The following FHAD1 variants were observed in gnomAD, a reference collection of about 807,000 sequenced individuals.
FHAD1 encodes the protein forkhead-associated domain-containing protein 1.
A neutral mutation model predicts 191.3 loss-of-function variants in FHAD1; 146 were observed. The ratio of observed to expected loss-of-function variants is 0.76; its 90% CI spans 0.67 to 0.88. The LOEUF (loss-of-function observed/expected upper bound fraction) is 0.88. Among genes scored for constraint, FHAD1 ranks in the 40% least tolerant of loss-of-function variants. The pLI is 0.00. For synonymous variants in FHAD1, 616 were observed against 672.3 expected (o/e 0.92, Z 1.29); for missense variants, 1,635 against 1,785.8 (o/e 0.92, Z 1.52).
chr1:15,337,890 G>A (rs1162990081), intron 14 of FHAD1, among the ~76,000 whole-genome samples: 2 of 152,170 alleles, frequency 1.3e-5, no homozygotes, highest in Non-Finnish European at 1.5e-5. Flanking sequence ...GCTGTGTGGC[G>A]TTGGGCAGGC....
rs1658560005 is a variant in FHAD1 at position 15,276,845 on chromosome 1, A to G, written c.300+4316A>G. Among the ~76,000 whole-genome samples the G allele has an allele frequency of 6.6e-6, 1 of 151,640 alleles. No homozygotes were observed. Among genetic ancestry groups the G allele is most frequent in the African/African-American group, 2.4e-5 (1 of 41,258 alleles). ...ACCACCTTGCACAACTCCAGTCACC[A>G]TTCACAGTAGAGTCCACAAAGATGG... On this transcript the variant is annotated intron_variant, in intron 3 of 33. Transcript: ENST00000688493. The surrounding 1 kb of genome is among the most constrained non-coding windows in gnomAD (Gnocchi z 4.7).
In FHAD1 at chr1:15,272,549, G is replaced by A. The variant is rs1451913418; in HGVS notation, c.300+20G>A. On this transcript the variant is annotated intron_variant, in intron 3 of 33. Coordinates refer to ENST00000688493, the MANE Select transcript of FHAD1 (RefSeq NM_001391957.1). ...CCTCCGGTGAGTCCGGGCCACTGGG[G>A]GATAGAGGGGCCATGTCGCCTTCGT... 2 of 1,531,658 alleles carry A rather than the reference G, an allele frequency of 1.3e-6. No individual in the cohort carries two copies. The highest frequency in any genetic ancestry group is 8.8e-7 in the Non-Finnish European group (1 of 1,132,326). The allele number at this position is 1,531,658 out of a possible 1,614,324, so 94.9% of individuals were successfully genotyped here.
chr1:15,331,662 G>A (rs1681622981), intron 14 of FHAD1, among the ~76,000 whole-genome samples: 1 of 137,798 alleles, frequency 7.3e-6, no homozygotes, highest in Non-Finnish European at 1.6e-5. Context: ...AAGGCAGGAG[G>A]GAAGGCAGGA....
intron 3 of FHAD1, among the ~76,000 whole-genome samples, chr1:15,273,046 T>A (rs542839287): frequency 6.6e-6 from 1 of 152,148 alleles, no homozygotes; most frequent in East Asian, 1.9e-4. Context: ...TCCGAGCCAG[T>A]GTTTCCCTAA....
intron 10 of FHAD1, among the ~76,000 whole-genome samples, chr1:15,322,846 T>G (rs1014815899): frequency 1.4e-4 from 21 of 152,194 alleles, no homozygotes; most frequent in African/African-American, 4.3e-4. Context: ...TTAGTCCGTT[T>G]TCACACCGCT....
intron 14 of FHAD1, among the ~76,000 whole-genome samples, chr1:15,333,866 G>A (rs375444661): frequency 1.4e-3 from 134 of 95,744 alleles, no homozygotes; most frequent in African/African-American, 5.3e-3. Context: ...AAAGTCTTGC[G>A]TTGTTGCCCA....
At chr1:15,360,138 A>G (rs1248510273) in intron 21 of FHAD1, among the ~76,000 whole-genome samples, 1 of 152,212 alleles carries the variant, frequency 6.6e-6, no homozygotes, top group Non-Finnish European at 1.5e-5. Flanking sequence ...AACAACAAAA[A>G]GTTTACATTT....
chr1:15,316,247 CAG>C lies in FHAD1; in HGVS notation c.1171-130_1171-129del. The C allele has an allele frequency of 1.5e-6, 1 of 682,522 alleles. No homozygotes were observed. The highest frequency in any genetic ancestry group is 2.5e-6 in the Non-Finnish European group (1 of 395,642). The allele number at this position is 682,522 out of a possible 1,614,324, so 42.3% of individuals were successfully genotyped here. A position where few individuals can be genotyped will look rare whatever the true frequency, so the allele number is the denominator to read the frequency against. On this transcript the variant is annotated intron_variant, in intron 8 of 33. Transcript: ENST00000688493. This position sits in a 1 kb window ranked among gnomAD's most constrained non-coding sequence, Gnocchi z 4.3. Reference sequence around the variant, plus strand: ...CACCATGGGATGCCTTTTGGGATCTCAGTGCGTGACTGGATGGAAACAGCAGG... The same window carrying C: ...CACCATGGGATGCCTTTTGGGATCTCTGCGTGACTGGATGGAAACAGCAGG...
intron 1 of FHAD1, among the ~76,000 whole-genome samples, chr1:15,250,627 G>A (rs1384009031): frequency 6.6e-6 from 1 of 152,130 alleles, no homozygotes; most frequent in Non-Finnish European, 1.5e-5. Context: ...AAGAAATACA[G>A]CGATTTAAAA....
intron 4 of FHAD1, among the ~76,000 whole-genome samples, chr1:15,295,720 TG>T (rs1441814580): frequency 7.9e-5 from 12 of 152,174 alleles, no homozygotes; most frequent in African/African-American, 2.9e-4. Flanking sequence ...CCCACACATA[TG>T]GGGGGCCAGC....
chr1:15,387,972 A>T, intron 31 of FHAD1, 79 bp from the exon 32 acceptor site: 1 of 712,794 alleles, frequency 1.4e-6, no homozygotes, highest in African/African-American at 1.8e-5. Context: ...TAGAAACCTC[A>T]GAGGCCTGTC....
At chr1:15,287,553 C>T (rs188141688) in intron 3 of FHAD1, among the ~76,000 whole-genome samples, 133 of 152,290 alleles carry the variant, frequency 8.7e-4, no homozygotes, top group African/African-American at 3.0e-3. Flanking sequence ...CTCATTATCA[C>T]GAGAGCAGCA....
chr1:15,297,328 G>T (rs1667291143), intron 5 of FHAD1, among the ~76,000 whole-genome samples: 1 of 152,186 alleles, frequency 6.6e-6, no homozygotes, highest in Non-Finnish European at 1.5e-5. Flanking sequence ...GATGGATCCA[G>T]GTTGATTTTG....
chr1:15,340,965 T>C (rs553071471), intron 15 of FHAD1, among the ~76,000 whole-genome samples: 5 of 152,196 alleles, frequency 3.3e-5, no homozygotes, highest in South Asian at 4.1e-4. Flanking sequence ...GTGGATCACC[T>C]GAGGTCAGGA....
intron 3 of FHAD1, among the ~76,000 whole-genome samples, chr1:15,279,618 T>A (rs2101570427): frequency 6.6e-6 from 1 of 150,910 alleles, no homozygotes; most frequent in Non-Finnish European, 1.5e-5. Context: ...TCAAGCAGAT[T>A]CTTGCCCCAC....
chr1:15,379,025 G>A (rs1380569321), intron 28 of FHAD1, among the ~76,000 whole-genome samples: 3 of 152,300 alleles, frequency 2.0e-5, no homozygotes, highest in South Asian at 4.2e-4. Context: ...AAGTGAAGGG[G>A]TGGGTTGCCC....
chr1:15,367,706 A>G (rs1361941181), intron 25 of FHAD1, 84 bp downstream of exon 25: 4 of 1,135,732 alleles, frequency 3.5e-6, no homozygotes, highest in African/African-American at 1.5e-5. Flanking sequence ...GGCTCAGTAC[A>G]TGCTGCTTGA....
Position 15,397,313 on chromosome 1 carries a change from C to A in FHAD1, c.4340C>A (p.Ala1447Asp). ...TTGTTAAAGGTTGGAACCAGAAAAGCCTCCCTAAAGATGGACCAAGAAAGA... is the reference window on the plus strand; with the variant it reads ...TTGTTAAAGGTTGGAACCAGAAAAGACTCCCTAAAGATGGACCAAGAAAGA... ...NSNSQVGTRK[A>D]SLKMDQEREM... The change falls in exon 34 of 34, where the codon GCC (alanine) becomes GAC (aspartate). Residue 1447 changes from alanine (A) to aspartate (D), a missense_variant. Coordinates refer to ENST00000688493, the MANE Select transcript of FHAD1 (RefSeq NM_001391957.1). 6.5e-7 allele frequency: 1 copy of A among 1,528,340 alleles called. No individual in the cohort carries two copies. The highest frequency in any genetic ancestry group is 8.8e-7 in the Non-Finnish European group (1 of 1,132,394). 94.7% of individuals were successfully genotyped at this position (1,528,340 alleles called of 1,614,324 possible).
rs373530305 is a variant in FHAD1 at position 15,360,712 on chromosome 1, G to A, written c.2962+9G>A. On this transcript the variant is annotated intron_variant, in intron 22 of 33. Transcript: ENST00000688493. ...GAAGGACAATGACCCAGGTAAGTCC[G>A]AAGGGAGGCCAAGGAAATCTTAGTG... is the stretch of plus-strand genomic sequence containing the variant. The A allele has an allele frequency of 7.1e-4, 1,094 of 1,549,156 alleles. 3 individuals carry two copies. The highest frequency in any genetic ancestry group is 5.0e-4 in the Middle Eastern group (3 of 5,986).
Sources: gnomAD v4.1 joint callset for allele counts (sites outside exome capture counted in the v4.1 genomes callset) on GRCh38, gnomAD v4.1.1 for gene constraint, Gnocchi (gnomAD v3.1) non-coding constraint, MANE v1.5 for transcripts, NCBI Gene and HGNC (gene_info 2026-07-23, HGNC 2026-07-21) for gene names.